Variants in RLN2 observed in about 807,000 individuals in gnomAD.
RLN2 encodes the protein relaxin 2.
Under a neutral mutation model 7.3 loss-of-function variants are expected in RLN2, and 10 were observed. That is an observed-to-expected ratio of 1.36 (90% CI 0.84 to 2.31). RLN2 has a LOEUF of 2.31. Among genes scored for constraint, RLN2 ranks in the 30% most tolerant of loss-of-function variants. RLN2 has a pLI of 0.00. For synonymous variants in RLN2, 103 were observed against 82.3 expected (o/e 1.25, Z -1.36); for missense variants, 298 against 217.6 (o/e 1.37, Z -2.32).
chr9:5,334,749 A>G, the RLN2 span, among the ~76,000 whole-genome samples: 1 of 152,076 alleles, frequency 6.6e-6, no homozygotes, highest in East Asian at 1.9e-4. Context: ...AGGAAAAAAA[A>G]TACTTGAGTT....
chr9:5,307,269 G>GAC (rs1563737973), upstream of RLN2, among the ~76,000 whole-genome samples: 1 of 40,888 alleles, frequency 2.4e-5, no homozygotes, highest in Non-Finnish European at 4.5e-5. Flanking sequence ...TAGATAGATA[G>GAC]AGGATAGATA....
the RLN2 span, chr9:5,335,532 TA>T: frequency 6.2e-7 from 1 of 1,613,068 alleles, no homozygotes; most frequent in Non-Finnish European, 8.5e-7. Context: ...GGTGGCAAAT[TA>T]GCAATGAATT....
At position 5,299,886 on chromosome 9, in the gene RLN2, T is replaced by C. The variant is rs1827118961; in HGVS notation, c.*212A>G. ...GGCTTTTCAGCAAAAAAATGTGTCA[T>C]TTAATCACACAAAGAACATTTTCTT... is the stretch of plus-strand genomic sequence containing the variant. On this transcript the variant is annotated 3_prime_UTR_variant, in exon 2 of 2. Transcript: ENST00000381627. 7.6e-6 allele frequency: 3 copies of C among 396,910 alleles called. No individual in the cohort carries two copies. The highest frequency in any genetic ancestry group is 1.3e-5 in the Non-Finnish European group (3 of 224,184). The allele number at this position is 396,910 out of a possible 1,614,324, so 24.6% of individuals were successfully genotyped here.
the RLN2 span, among the ~76,000 whole-genome samples, chr9:5,337,195 C>G: frequency 6.6e-6 from 1 of 151,976 alleles, no homozygotes; most frequent in Non-Finnish European, 1.5e-5. Context: ...GTGCTCCAAC[C>G]TAAACTGTCT....
rs778289007 is a variant in RLN2, at chr9:5,300,400, T to C, written c.256A>G (p.Met86Val). Residue 86 changes from methionine (M) to valine (V), a missense_variant, in exon 2 of 2, where the codon ATG becomes GTG. Physicochemically the swap from Met to Val is conservative, Grantham distance 21. Transcript: ENST00000381627. ...AAATTAGCAACAAATTCTGACATCA[T>C]ATTTATGGTTTCTGTATCTTTGTTG... ...FINKDTETINMMSEFVANLPQ... is the reference protein window; with the variant it reads ...FINKDTETINVMSEFVANLPQ... The C allele has an allele frequency of 3.1e-6, 5 of 1,610,304 alleles. No individual in the cohort carries two copies. The highest frequency in any genetic ancestry group is 1.7e-5 in the Admixed American group (1 of 59,264).
At chr9:5,331,016 T>C in the RLN2 span, among the ~76,000 whole-genome samples, 2 of 152,012 alleles carry the variant, frequency 1.3e-5, no homozygotes, top group Non-Finnish European at 2.9e-5. Flanking sequence ...GATAAATTCC[T>C]GGACATGTAT....
At chr9:5,318,392 G>A in the RLN2 span, among the ~76,000 whole-genome samples, 2 of 151,562 alleles carry the variant, frequency 1.3e-5, no homozygotes, top group South Asian at 4.2e-4. Flanking sequence ...TACACCTCTT[G>A]GTGGTTTTTT....
the RLN2 span, among the ~76,000 whole-genome samples, chr9:5,323,843 T>C: frequency 6.6e-6 from 1 of 151,822 alleles, no homozygotes; most frequent in Admixed American, 6.6e-5. Flanking sequence ...GGTCAGGAGT[T>C]CAAGACCAAC....
chr9:5,302,867 A>G (rs932700121), intron 1 of RLN2, among the ~76,000 whole-genome samples: 4 of 150,904 alleles, frequency 2.7e-5, no homozygotes, highest in African/African-American at 9.8e-5. Flanking sequence ...AGATATATAC[A>G]TATACCTATC....
At chr9:5,300,929 C>A (rs1816110552) in intron 1 of RLN2, among the ~76,000 whole-genome samples, 1 of 152,104 alleles carries the variant, frequency 6.6e-6, no homozygotes. Flanking sequence ...GAAGTTACTC[C>A]TGGAGGATAA....
chr9:5,302,403 G>A (rs1409740000), intron 1 of RLN2, among the ~76,000 whole-genome samples: 1 of 152,150 alleles, frequency 6.6e-6, no homozygotes, highest in Non-Finnish European at 1.5e-5. Flanking sequence ...GAAATGGATG[G>A]CTAACAATGT....
At chr9:5,320,922 C>A in the RLN2 span, among the ~76,000 whole-genome samples, 1,223 of 152,104 alleles carry the variant, frequency 8.0e-3, 31 homozygotes, top group African/African-American at 0.028. Context: ...AAATCTACAA[C>A]TGCAACAAAG....
At chr9:5,330,272 A>C in the RLN2 span, among the ~76,000 whole-genome samples, 2 of 152,078 alleles carry the variant, frequency 1.3e-5, no homozygotes, top group African/African-American at 4.8e-5. Flanking sequence ...GTGTAGAAGA[A>C]AATTTATAGC....
chr9:5,327,338 G>A, the RLN2 span, among the ~76,000 whole-genome samples: 20 of 152,146 alleles, frequency 1.3e-4, no homozygotes, highest in African/African-American at 4.1e-4. Flanking sequence ...AGCTTGATGG[G>A]GGGAGGGGCA....
Position 5,304,668 on chromosome 9 carries a change from T to C in RLN2, c.-88A>G, listed in dbSNP as rs1816209441. Reference sequence around the variant, plus strand: ...GCCTACACACCTGGGCCTGTGTGCCTGTCCCGGGCTTTAGGCTGCTTTCCC... The same window carrying C: ...GCCTACACACCTGGGCCTGTGTGCCCGTCCCGGGCTTTAGGCTGCTTTCCC... On this transcript the variant is annotated 5_prime_UTR_variant, in exon 1 of 2. Coordinates refer to ENST00000381627, the MANE Select transcript of RLN2 (RefSeq NM_134441.3). 7.3e-7 allele frequency: 1 copy of C among 1,361,492 alleles called. No individual in the cohort carries two copies. Among genetic ancestry groups the C allele is most frequent in the Non-Finnish European group, 1.0e-6 (1 of 962,306 alleles). 84.3% of individuals were successfully genotyped at this position (1,361,492 alleles called of 1,614,324 possible).
chr9:5,307,293 A>T (rs1188053127), upstream of RLN2, among the ~76,000 whole-genome samples: 1 of 142,756 alleles, frequency 7.0e-6, no homozygotes, highest in East Asian at 1.9e-4. Context: ...AGATAGATAG[A>T]TAGATAGATA....
At chr9:5,302,434 C>T (rs759603405) in intron 1 of RLN2, among the ~76,000 whole-genome samples, 3 of 152,114 alleles carry the variant, frequency 2.0e-5, no homozygotes, top group Non-Finnish European at 2.9e-5. Context: ...AAGCAAATAG[C>T]AACTACCTAA....
At chr9:5,327,358 G>A in the RLN2 span, among the ~76,000 whole-genome samples, 2 of 152,116 alleles carry the variant, frequency 1.3e-5, no homozygotes, top group African/African-American at 4.8e-5. Flanking sequence ...ATCCACCATT[G>A]CTGAGGCTTG....
At chr9:5,320,638 TG>T in the RLN2 span, among the ~76,000 whole-genome samples, 3 of 152,102 alleles carry the variant, frequency 2.0e-5, no homozygotes, top group East Asian at 5.8e-4. Flanking sequence ...CCCAAAGTGC[TG>T]GGATTATAGG....
Sources: allele counts gnomAD v4.1 joint callset (sites outside exome capture counted in the v4.1 genomes callset), GRCh38; gene constraint gnomAD v4.1.1; transcripts MANE v1.5; gene names NCBI Gene and HGNC (gene_info 2026-07-23, HGNC 2026-07-21).